Variants in CDKAL1 observed in about 807,000 individuals in gnomAD.
CDKAL1 encodes the protein threonylcarbamoyladenosine tRNA methylthiotransferase.
A neutral mutation model predicts 68.2 loss-of-function variants in CDKAL1; 32 were observed. The observed-to-expected ratio is 0.47, with a 90% CI of 0.35 to 0.63. CDKAL1 has a LOEUF of 0.63. Among genes scored for constraint, CDKAL1 ranks in the 30% least tolerant of loss-of-function variants. CDKAL1 has a pLI of 0.00. For missense variants in CDKAL1, 606 were observed against 696.7 expected (o/e 0.87, Z 1.47); for synonymous variants, 234 against 244.3 (o/e 0.96, Z 0.39).
In CDKAL1 at chr6:21,197,918, G is replaced by A. The variant is rs889223835; in HGVS notation, c.1300-103G>A. ...GAGTCTACTTTAAATTCAAGAAGAC[G>A]CTACTTGGTCCAGACCTACCTGGGC... On this transcript the variant is annotated intron_variant, in intron 13 of 15. Transcript: ENST00000274695. 8.7e-6 allele frequency: 5 copies of A among 575,244 alleles called. No homozygotes were observed. The Admixed American group carries it at 9.6e-5, about 11-fold the overall frequency. 35.6% of individuals were successfully genotyped at this position (575,244 alleles called of 1,614,324 possible). A position where few individuals can be genotyped will look rare whatever the true frequency, so the allele number is the denominator to read the frequency against.
intron 8 of CDKAL1, among the ~76,000 whole-genome samples, chr6:20,793,602 C>A (rs767138766): frequency 1.3e-5 from 2 of 151,766 alleles, no homozygotes; most frequent in Non-Finnish European, 2.9e-5. Context: ...AATAATTTAT[C>A]AAATAATTAA....
At position 20,905,707 on chromosome 6, in the gene CDKAL1, T is replaced by G. The variant is rs77650854; in HGVS notation, c.743-49712T>G. 8.7e-3 allele frequency among the ~76,000 whole-genome samples: 1,323 copies of G among 152,130 alleles called. 27 individuals are homozygous for G. The highest frequency in any genetic ancestry group is 0.03 in the African/African-American group (1,250 of 41,484). ...GGCAAGAGAGAAGCAACTCTTCACA[T>G]GCAAAGGAACCACAATGAGATTCTC... On this transcript the variant is annotated intron_variant, in intron 9 of 15. Coordinates refer to ENST00000274695, the MANE Select transcript of CDKAL1 (RefSeq NM_017774.3).
chr6:21,221,711 A>AT (rs1222650059), intron 15 of CDKAL1, among the ~76,000 whole-genome samples: 5 of 152,064 alleles, frequency 3.3e-5, no homozygotes, highest in Non-Finnish European at 7.3e-5. Flanking sequence ...CTATCAAACA[A>AT]TTTTTTCTTC....
intron 13 of CDKAL1, among the ~76,000 whole-genome samples, chr6:21,112,295 TTATA>T (rs1774158699): frequency 6.6e-6 from 1 of 152,206 alleles, no homozygotes; most frequent in Non-Finnish European, 1.5e-5. Flanking sequence ...ACACACATGT[TTATA>T]ATCTGCTATT....
chr6:20,921,291 T>C (rs1762944368), intron 9 of CDKAL1, among the ~76,000 whole-genome samples: 1 of 152,108 alleles, frequency 6.6e-6, no homozygotes, highest in Non-Finnish European at 1.5e-5. Flanking sequence ...TAGCTGGGCA[T>C]GGTGGCGTGC....
chr6:20,734,786 A>G (rs62397656), intron 5 of CDKAL1, among the ~76,000 whole-genome samples: 1 of 151,682 alleles, frequency 6.6e-6, no homozygotes, highest in Admixed American at 6.6e-5. Flanking sequence ...CTGGTCTCAA[A>G]CGCCTTCCTG....
intron 5 of CDKAL1, among the ~76,000 whole-genome samples, chr6:20,684,118 G>A (rs952349069): frequency 6.6e-6 from 1 of 152,182 alleles, no homozygotes; most frequent in Non-Finnish European, 1.5e-5. Context: ...AGGACATCTT[G>A]GTTGTTTCTA....
chr6:20,620,515 A>G (rs1354417090), intron 4 of CDKAL1, among the ~76,000 whole-genome samples: 2 of 152,202 alleles, frequency 1.3e-5, no homozygotes, highest in Non-Finnish European at 2.9e-5. Context: ...GAGGTTAAGT[A>G]TCTTGGCTAA....
intron 5 of CDKAL1, among the ~76,000 whole-genome samples, chr6:20,702,558 G>A (rs930681047): frequency 1.4e-4 from 21 of 152,292 alleles, no homozygotes; most frequent in African/African-American, 4.6e-4. Flanking sequence ...AACTGCTCAG[G>A]CAAAACTTGT....
intron 5 of CDKAL1, among the ~76,000 whole-genome samples, chr6:20,667,998 C>CTAT (rs200078786): frequency 0.015 from 2,238 of 152,100 alleles, 28 homozygotes; most frequent in Non-Finnish European, 0.024. Flanking sequence ...ATACAAATGA[C>CTAT]TATGTCAATA....
chr6:21,221,417 G>A (rs374438575), intron 15 of CDKAL1, among the ~76,000 whole-genome samples: 2 of 152,088 alleles, frequency 1.3e-5, no homozygotes, highest in East Asian at 3.9e-4. Context: ...TTGTAGAGAG[G>A]GGGTTTCGCC....
intron 12 of CDKAL1, among the ~76,000 whole-genome samples, chr6:21,106,767 ATTT>A (rs1773862883): frequency 6.6e-6 from 1 of 152,130 alleles, no homozygotes; most frequent in African/African-American, 2.4e-5. Context: ...GCATCAGCGG[ATTT>A]TGGTATCTAC....
chr6:21,157,243 A>G (rs1345637861), intron 13 of CDKAL1, among the ~76,000 whole-genome samples: 9 of 152,196 alleles, frequency 5.9e-5, no homozygotes, highest in African/African-American at 2.2e-4. Flanking sequence ...CATTTATGTA[A>G]AGTCACCAAC....
intron 15 of CDKAL1, among the ~76,000 whole-genome samples, chr6:21,222,150 AAAAT>A (rs1442936080): frequency 6.6e-6 from 1 of 152,234 alleles, no homozygotes; most frequent in South Asian, 2.1e-4. Context: ...TGCTGTCACC[AAAAT>A]AAGATAAAAA....
At chr6:20,766,411 G>C (rs543584969) in intron 7 of CDKAL1, among the ~76,000 whole-genome samples, 2 of 152,118 alleles carry the variant, frequency 1.3e-5, no homozygotes, top group African/African-American at 4.8e-5. Flanking sequence ...ATTGCCGTAA[G>C]CAAGGAAAGG....
chr6:21,155,269 A>G (rs895703830), intron 13 of CDKAL1, among the ~76,000 whole-genome samples: 1 of 151,950 alleles, frequency 6.6e-6, no homozygotes, highest in Non-Finnish European at 1.5e-5. Context: ...TTCCCCCCGA[A>G]TTATATTATG....
intron 13 of CDKAL1, among the ~76,000 whole-genome samples, chr6:21,129,572 G>A (rs1040803036): frequency 3.4e-5 from 5 of 148,754 alleles, no homozygotes; most frequent in African/African-American, 1.2e-4. Context: ...ATTTTGCTTC[G>A]ATGTGTGTAG....
chr6:20,786,095 C>T (rs1448778942), intron 8 of CDKAL1, among the ~76,000 whole-genome samples: 2 of 151,956 alleles, frequency 1.3e-5, no homozygotes, highest in Admixed American at 6.6e-5. Flanking sequence ...GTGGTTGGTG[C>T]GTGCCTGTAA....
intron 4 of CDKAL1, among the ~76,000 whole-genome samples, chr6:20,608,355 T>C (rs1397821253): frequency 1.3e-5 from 2 of 152,244 alleles, no homozygotes; most frequent in East Asian, 3.8e-4. Context: ...ATTGAAAATC[T>C]ACTACTTTTT....
Sources: allele counts gnomAD v4.1 joint callset (sites outside exome capture counted in the v4.1 genomes callset), GRCh38; gene constraint gnomAD v4.1.1; transcripts MANE v1.5; gene names NCBI Gene and HGNC (gene_info 2026-07-23, HGNC 2026-07-21).